Variants in CD86 observed in about 807,000 individuals in gnomAD.
CD86 encodes the protein T-lymphocyte activation antigen CD86.
In CD86, 11 loss-of-function variants were observed where a neutral mutation model predicts 32.1. The observed-to-expected ratio is 0.34, with a 90% CI of 0.22 to 0.57. The LOEUF (loss-of-function observed/expected upper bound fraction) is 0.57. CD86 is among the 20% of genes least tolerant of loss of function. The pLI, the probability that CD86 is intolerant of heterozygous loss-of-function variation, is 0.86. For missense variants in CD86, 359 were observed against 398.4 expected, an observed-to-expected ratio of 0.90 and a Z score of 0.84; for synonymous variants, 137 against 135.3, an observed-to-expected ratio of 1.01 and a Z score of -0.09.
rs576040779 is a variant in CD86, at chr3:122,119,990, G to A, written c.*456G>A. The A allele has an allele frequency of 4.7e-5, 8 of 169,288 alleles. No individual in the cohort carries two copies. The highest frequency in any genetic ancestry group is 3.6e-4 in the Admixed American group (6 of 16,562). 10.5% of individuals were successfully genotyped at this position (169,288 alleles called of 1,614,324 possible). ...ACAACTACCTCCTCAGTCTGGGTGG[G>A]ACTTATGTATTTATGACCTTATAGT... On this transcript the variant is annotated 3_prime_UTR_variant, in exon 7 of 7. Transcript: ENST00000330540.
At chr3:122,086,248 AG>A (rs2072717266) in intron 1 of CD86, among the ~76,000 whole-genome samples, 2 of 152,210 alleles carry the variant, frequency 1.3e-5, no homozygotes, top group South Asian at 4.1e-4. Flanking sequence ...CAAACTTCTC[AG>A]CATTTTTCCT....
chr3:122,098,794 C>T (rs1196222341), intron 2 of CD86, among the ~76,000 whole-genome samples: 1 of 151,628 alleles, frequency 6.6e-6, no homozygotes, highest in Non-Finnish European at 1.5e-5. Context: ...TGTGTAGAGC[C>T]TCTGTTGGGT....
At chr3:122,101,307 C>T (rs140114520) in intron 2 of CD86, among the ~76,000 whole-genome samples, 13 of 151,774 alleles carry the variant, frequency 8.6e-5, no homozygotes, top group Middle Eastern at 6.8e-3. Flanking sequence ...GACCAGCCCA[C>T]ATGTGACGTG....
At chr3:122,064,558 C>A (rs1464751868) in intron 1 of CD86, among the ~76,000 whole-genome samples, 1 of 151,898 alleles carries the variant, frequency 6.6e-6, no homozygotes, top group Non-Finnish European at 1.5e-5. Context: ...ACAGGCGAGC[C>A]CCATTTCAAG....
At chr3:122,107,808 A>G (rs2073115440) in intron 4 of CD86, among the ~76,000 whole-genome samples, 2 of 152,218 alleles carry the variant, frequency 1.3e-5, no homozygotes, top group Admixed American at 6.5e-5. Context: ...GCCAGTCCCC[A>G]TGAACCAACT....
At chr3:122,084,064 G>T (rs557161628) in intron 1 of CD86, among the ~76,000 whole-genome samples, 1 of 152,100 alleles carries the variant, frequency 6.6e-6, no homozygotes, top group Non-Finnish European at 1.5e-5. Context: ...TCTGCTCATC[G>T]CAAGCTCTGC....
intron 1 of CD86, among the ~76,000 whole-genome samples, chr3:122,061,653 T>G (rs1449261968): frequency 1.3e-5 from 2 of 152,194 alleles, no homozygotes; most frequent in Non-Finnish European, 2.9e-5. Flanking sequence ...ACTACCTACC[T>G]ATAAAAATGG....
intron 1 of CD86, among the ~76,000 whole-genome samples, chr3:122,067,935 T>C (rs2072437084): frequency 6.6e-6 from 1 of 152,228 alleles, no homozygotes; most frequent in South Asian, 2.1e-4. Flanking sequence ...AACTCTATGA[T>C]TCTGCATCAC....
At chr3:122,076,799 T>A (rs2072562546) in intron 1 of CD86, among the ~76,000 whole-genome samples, 1 of 152,240 alleles carries the variant, frequency 6.6e-6, no homozygotes, top group African/African-American at 2.4e-5. Flanking sequence ...AGGTTTCCTT[T>A]GTTTTTCACA....
At chr3:122,081,857 G>A (rs2072639037) in intron 1 of CD86, among the ~76,000 whole-genome samples, 1 of 152,176 alleles carries the variant, frequency 6.6e-6, no homozygotes, top group African/African-American at 2.4e-5. Flanking sequence ...CTTCCAAGCT[G>A]TAGGAGTGCT....
chr3:122,094,886 A>G (rs2107529702), intron 2 of CD86, among the ~76,000 whole-genome samples: 1 of 152,296 alleles, frequency 6.6e-6, no homozygotes, highest in Non-Finnish European at 1.5e-5. Flanking sequence ...TTACAAAGCG[A>G]AAGGAATTCC....
At chr3:122,077,677 C>A in intron 1 of CD86, 1 of 694,064 alleles carries the variant, frequency 1.4e-6, no homozygotes, top group Non-Finnish European at 1.8e-6. Flanking sequence ...GTGTCTTTGT[C>A]ATGTTTGTGG....
chr3:122,055,600 T>C, intron 1 of CD86, 97 bp downstream of exon 1: 1 of 1,145,102 alleles, frequency 8.7e-7, no homozygotes. Flanking sequence ...TGTCCTTCAC[T>C]TAGTTCCTAA....
chr3:122,090,620 C>T (rs974613171), intron 1 of CD86, among the ~76,000 whole-genome samples: 3 of 149,598 alleles, frequency 2.0e-5, no homozygotes, highest in Non-Finnish European at 4.4e-5. Context: ...GTCATCTTTC[C>T]TGTGTATGGC....
intron 1 of CD86, among the ~76,000 whole-genome samples, chr3:122,067,236 A>T (rs756433458): frequency 9.2e-5 from 14 of 152,212 alleles, no homozygotes; most frequent in Non-Finnish European, 1.8e-4. Flanking sequence ...ACACTAACTC[A>T]TGAGGAGTAA....
At chr3:122,082,470 T>C (rs2072648088) in intron 1 of CD86, among the ~76,000 whole-genome samples, 1 of 152,222 alleles carries the variant, frequency 6.6e-6, no homozygotes, top group African/African-American at 2.4e-5. Context: ...TTCCCCTTGA[T>C]AAACCGAATT....
chr3:122,106,963 T>C (rs2073102504), intron 4 of CD86, among the ~76,000 whole-genome samples: 1 of 151,906 alleles, frequency 6.6e-6, no homozygotes, highest in East Asian at 1.9e-4. Context: ...CAAAAAGATA[T>C]GACACCCCCT....
chr3:122,116,022 T>C (rs1190120548), intron 5 of CD86, among the ~76,000 whole-genome samples: 1 of 152,110 alleles, frequency 6.6e-6, no homozygotes, highest in Non-Finnish European at 1.5e-5. Flanking sequence ...GTAACTTATA[T>C]ATTAAGAATT....
intron 2 of CD86, among the ~76,000 whole-genome samples, chr3:122,098,554 G>C (rs1239534437): frequency 6.6e-6 from 1 of 152,154 alleles, no homozygotes; most frequent in African/African-American, 2.4e-5. Flanking sequence ...GAAGGGATCT[G>C]GATATATTTT....
Sources: gnomAD v4.1 joint callset for allele counts (sites outside exome capture counted in the v4.1 genomes callset) on GRCh38, gnomAD v4.1.1 for gene constraint, MANE v1.5 for transcripts, NCBI Gene and HGNC (gene_info 2026-07-23, HGNC 2026-07-21) for gene names.